The following OASL variants were observed in gnomAD, a reference collection of about 807,000 sequenced individuals.
OASL encodes the protein 2'-5'-oligoadenylate synthase-like protein.
Under a neutral mutation model 35.3 loss-of-function variants are expected in OASL, and 28 were observed. That is an observed-to-expected ratio of 0.79 (90% CI 0.59 to 1.09). The LOEUF (loss-of-function observed/expected upper bound fraction) is 1.09, where lower values mean the gene tolerates loss of function less well. Among genes scored for constraint, OASL ranks in the 50% least tolerant of loss-of-function variants. The pLI is 0.00. For missense variants in OASL, 620 were observed against 635.2 expected, an observed-to-expected ratio of 0.98 and a Z score of 0.26; for synonymous variants, 252 against 254.6, an observed-to-expected ratio of 0.99 and a Z score of 0.10.
At chr12:121,018,336 C>T (rs1041186601), downstream of OASL, among the ~76,000 whole-genome samples, 13 of 152,136 alleles carry the variant, frequency 8.5e-5, no homozygotes, top group African/African-American at 2.4e-4. Flanking sequence ...ACATTGTACC[C>T]GGATGACGTC....
chr12:121,033,632 C>T (rs1229842190), exon 2 of OASL: 3 of 1,614,188 alleles, frequency 1.9e-6, no homozygotes, highest in Middle Eastern at 1.6e-4. Context: ...AGCCTCAGAA[C>T]ATCTTTGTGA....
At chr12:121,025,759 TAAA>T (rs11408808) in intron 4 of OASL, among the ~76,000 whole-genome samples, 1 of 139,292 alleles carries the variant, frequency 7.2e-6, no homozygotes, top group African/African-American at 2.7e-5. Flanking sequence ...AAGACTCCAT[TAAA>T]AAAAAAAAAA....
chr12:121,018,654 G>T (rs1869121520), downstream of OASL, among the ~76,000 whole-genome samples: 1 of 151,810 alleles, frequency 6.6e-6, no homozygotes, highest in African/African-American at 2.4e-5. Flanking sequence ...GGATCACAAG[G>T]TCAGGAGTTC....
At chr12:121,025,265 C>G (rs530170679) in intron 4 of OASL, among the ~76,000 whole-genome samples, 8 of 151,960 alleles carry the variant, frequency 5.3e-5, no homozygotes, top group Non-Finnish European at 1.0e-4. Context: ...CATGAGCCAC[C>G]GGTGCCCGGC....
chr12:121,018,624 T>C (rs1259714615), downstream of OASL, among the ~76,000 whole-genome samples: 1 of 151,722 alleles, frequency 6.6e-6, no homozygotes, highest in Non-Finnish European at 1.5e-5. Flanking sequence ...ATCCCAGCAC[T>C]GTGGGAGGCC....
intron 3 of OASL, 27 bp downstream of exon 3, chr12:121,031,415 C>T (rs770990398): frequency 1.2e-5 from 19 of 1,607,828 alleles, no homozygotes; most frequent in Middle Eastern, 1.8e-4. Flanking sequence ...CCTCTCCTTG[C>T]CCCTGCCATC....
chr12:121,031,568 C>G, exon 3 of OASL: 1 of 1,614,092 alleles, frequency 6.2e-7, no homozygotes, highest in Non-Finnish European at 8.5e-7. Flanking sequence ...AGGCCTTGAT[C>G]AGGCTCACAT....
chr12:121,033,380 G>A (rs1869819358), intron 2 of OASL, 81 bp downstream of exon 2: 3 of 1,401,250 alleles, frequency 2.1e-6, no homozygotes, highest in African/African-American at 1.4e-5. Context: ...GTGTGCACGT[G>A]GCCATGAGTA....
At chr12:121,024,628 AT>A (rs1297596891) in intron 4 of OASL, among the ~76,000 whole-genome samples, 3 of 151,968 alleles carry the variant, frequency 2.0e-5, no homozygotes, top group Non-Finnish European at 4.4e-5. Flanking sequence ...AAAAAAAAAA[AT>A]TCTTCTTCTT....
At chr12:121,031,540 A>C in exon 3 of OASL, 1 of 1,614,004 alleles carries the variant, frequency 6.2e-7, no homozygotes, top group Non-Finnish European at 8.5e-7. Flanking sequence ...GATGGGCAGA[A>C]ATTTCCAGGA....
chr12:121,034,428 A>G (rs1199628849), intron 1 of OASL, among the ~76,000 whole-genome samples: 1 of 152,118 alleles, frequency 6.6e-6, no homozygotes, highest in East Asian at 1.9e-4. Flanking sequence ...GGCCTCCCCA[A>G]ATGCCCAGCT....
chr12:121,033,497 T>C (rs1343440397), exon 2 of OASL: 4 of 1,613,790 alleles, frequency 2.5e-6, no homozygotes, highest in Non-Finnish European at 3.4e-6. Flanking sequence ...GTGACCGTGA[T>C]GGGCTCCGCA....
At chr12:121,037,517 G>A (rs933118842) in intron 1 of OASL, among the ~76,000 whole-genome samples, 4 of 152,146 alleles carry the variant, frequency 2.6e-5, no homozygotes, top group Non-Finnish European at 5.9e-5. Flanking sequence ...GTGGCTCACT[G>A]TAATCCCAGC....
chr12:121,030,964 C>A (rs534701672), intron 3 of OASL, among the ~76,000 whole-genome samples: 1 of 151,872 alleles, frequency 6.6e-6, no homozygotes, highest in East Asian at 1.9e-4. Context: ...GAGACCCTGT[C>A]TCTACAAAAG....
intron 3 of OASL, among the ~76,000 whole-genome samples, chr12:121,028,405 G>T (rs893768358): frequency 1.3e-5 from 2 of 152,186 alleles, no homozygotes; most frequent in Non-Finnish European, 2.9e-5. Flanking sequence ...TGCGATCTAA[G>T]TTGGCTCAAC....
chr12:121,020,774 C>T lies in OASL; in HGVS notation c.1332G>A (p.Gly444=), dbSNP rs1869196377. 9.9e-6 allele frequency: 16 copies of T among 1,614,028 alleles called. No individual in the cohort carries two copies. The East Asian group carries it at 3.3e-4, about 34-fold the overall frequency. The stretch of plus-strand genomic sequence containing the variant: ...TGGGGTTGATGGCATAGGCGTAGCT[C>T]CCACCATCAGGATTCTTCACGAAGA... Residue 444 remains glycine (G), a synonymous_variant, in exon 6 of 6, where the codon GGG becomes GGA. Transcript: ENST00000257570.
chr12:121,025,634 C>T (rs968355880), intron 4 of OASL, among the ~76,000 whole-genome samples: 5 of 151,740 alleles, frequency 3.3e-5, no homozygotes, highest in African/African-American at 4.8e-5. Context: ...TGGCGGCAGG[C>T]GCCTGTAGTC....
At chr12:121,027,526 C>A in intron 4 of OASL, 50 bp downstream of exon 4, 1 of 1,607,972 alleles carries the variant, frequency 6.2e-7, no homozygotes, top group Non-Finnish European at 8.5e-7. Flanking sequence ...TACACTAGCC[C>A]GTCTCTCTTT....
intron 5 of OASL, 142 bp from the exon 6 acceptor site, chr12:121,021,200 T>A: frequency 1.3e-6 from 1 of 778,472 alleles, no homozygotes; most frequent in Non-Finnish European, 2.0e-6. Flanking sequence ...GTAAGCACTT[T>A]CCAGGCTGTA....
Sources: allele counts gnomAD v4.1 joint callset (sites outside exome capture counted in the v4.1 genomes callset), GRCh38; gene constraint gnomAD v4.1.1; transcripts MANE v1.5; gene names NCBI Gene and HGNC (gene_info 2026-07-23, HGNC 2026-07-21).